Variants in PLEKHA8 observed in about 807,000 individuals in gnomAD.
The protein encoded by PLEKHA8 is pleckstrin homology domain-containing family A member 8.
PLEKHA8 carries 36 observed loss-of-function variants against 68.2 expected under a neutral mutation model. The ratio of observed to expected loss-of-function variants is 0.53; its 90% CI spans 0.40 to 0.70. The LOEUF is 0.70. PLEKHA8 is among the 30% of genes least tolerant of loss of function. The pLI is 0.00. For synonymous variants in PLEKHA8, 211 were observed against 216.1 expected, an observed-to-expected ratio of 0.98 and a Z score of 0.20; for missense variants, 505 against 615.4, an observed-to-expected ratio of 0.82 and a Z score of 1.90.
intron 13 of PLEKHA8, chr7:30,115,957 T>C (rs1583486791): frequency 7.7e-6 from 1 of 130,274 alleles, no homozygotes; most frequent in African/African-American, 2.9e-5. Context: ...TACGCATACA[T>C]GCATGCATAC....
rs1162112994 is a variant in PLEKHA8 at position 30,056,310 on chromosome 7, C to CTATA, written c.1039+969_1039+970insATAT. Among the ~76,000 whole-genome samples, 466 of 72,164 alleles carry CTATA rather than the reference C, an allele frequency of 6.5e-3. 13 individuals are homozygous for CTATA. Among genetic ancestry groups the CTATA allele is most frequent in the East Asian group, 0.051 (91 of 1,796 alleles). The allele number at this position is 72,164 out of a possible 152,430, so 47.3% of individuals were successfully genotyped here. A position where few individuals can be genotyped will look rare whatever the true frequency, so the allele number is the denominator to read the frequency against. ...TCTCTCTCTCTCTCTCTCTCTCTCT[C>CTATA]TCTATATATATATATATATATAAAT... is the stretch of plus-strand genomic sequence containing the variant. On this transcript the variant is annotated intron_variant, in intron 9 of 13. Coordinates refer to ENST00000449726, the MANE Select transcript of PLEKHA8 (RefSeq NM_001197026.2).
chr7:30,073,987 TTA>T, intron 12 of PLEKHA8, 82 bp from the exon 13 acceptor site: 21 of 1,177,998 alleles, frequency 1.8e-5, no homozygotes, highest in East Asian at 5.2e-5. Flanking sequence ...CCCTGTCTCT[TTA>T]AAAAAAAAAA....
In PLEKHA8 at chr7:30,084,272, T is replaced by C. The variant is rs935067372; in HGVS notation, c.*5485T>C. The C allele has an allele frequency of 7.1e-6, 7 of 985,240 alleles. No individual in the cohort carries two copies. Among genetic ancestry groups the C allele is most frequent in the Non-Finnish European group, 8.4e-6 (7 of 829,858 alleles). The allele number at this position is 985,240 out of a possible 1,614,324, so 61.0% of individuals were successfully genotyped here. A position where few individuals can be genotyped will look rare whatever the true frequency, so the allele number is the denominator to read the frequency against. ...ATTCCATGCCTAGTATTCTTATGAA[T>C]GTTTGTGGTTTCATAGATTTATGCA... is the stretch of plus-strand genomic sequence containing the variant. On this transcript the variant is annotated 3_prime_UTR_variant, in exon 14 of 14. Transcript: ENST00000449726.
intron 13 of PLEKHA8, among the ~76,000 whole-genome samples, chr7:30,074,621 A>G: frequency 6.6e-6 from 1 of 152,192 alleles, no homozygotes; most frequent in East Asian, 1.9e-4. Flanking sequence ...AGTCAACCTA[A>G]TAGCTCCCTC....
Position 30,055,335 on chromosome 7 carries a change from A to G in PLEKHA8, c.1032A>G (p.Pro344=), listed in dbSNP as rs372051190. 1 of 1,613,874 alleles carries G rather than the reference A, an allele frequency of 6.2e-7. No homozygotes were observed. Among genetic ancestry groups the G allele is most frequent in the Non-Finnish European group, 8.5e-7 (1 of 1,179,742 alleles). The part of the protein sequence containing the change: ...AFLASCYAVV[P]VLDKLGPTVF... Reference sequence around the variant, plus strand: ...TGGCATCATGTTATGCTGTGGTTCCAGTATTAGGTAAGATTCCTGCAGTTG... The same window carrying G: ...TGGCATCATGTTATGCTGTGGTTCCGGTATTAGGTAAGATTCCTGCAGTTG... Residue 344 remains proline (P), a synonymous_variant, in exon 9 of 14, where the codon CCA becomes CCG. Transcript: ENST00000449726.
At chr7:30,105,051 G>T (rs1175045057) in intron 13 of PLEKHA8, among the ~76,000 whole-genome samples, 1 of 152,118 alleles carries the variant, frequency 6.6e-6, no homozygotes, top group Admixed American at 6.5e-5. Flanking sequence ...CTAGGGTGAT[G>T]AGAATGATCT....
chr7:30,093,390 G>C (rs367959357), downstream of PLEKHA8, among the ~76,000 whole-genome samples: 5 of 152,198 alleles, frequency 3.3e-5, no homozygotes, highest in East Asian at 1.9e-4. Context: ...CTTGCTCAAG[G>C]TGGGTGAGAA....
At chr7:30,058,471 C>CTT (rs79972069) in intron 9 of PLEKHA8, among the ~76,000 whole-genome samples, 60 of 125,256 alleles carry the variant, frequency 4.8e-4, no homozygotes, top group African/African-American at 1.3e-3. Flanking sequence ...AGTTGAGGTT[C>CTT]TTTTTTTTTT....
In PLEKHA8 at chr7:30,078,802, C is replaced by T. The variant is rs746045719; in HGVS notation, c.*15C>T. The T allele has an allele frequency of 1.9e-6, 3 of 1,610,060 alleles. No individual in the cohort carries two copies. The highest frequency in any genetic ancestry group is 2.2e-5 in the South Asian group (2 of 90,660). ...AGGTGGTATGATGGCTGCTGGGCAG[C>T]ACCTCCTAACTTCAGGGAATAAGTG... On this transcript the variant is annotated 3_prime_UTR_variant, in exon 14 of 14. Coordinates refer to ENST00000449726, the MANE Select transcript of PLEKHA8 (RefSeq NM_001197026.2).
rs920868553 is a variant in PLEKHA8 at position 30,118,013 on chromosome 7, A to G, written c.1363-11253A>G. 7 of 1,529,222 alleles carry G rather than the reference A, an allele frequency of 4.6e-6. No homozygotes were observed. The African/African-American group carries it at 8.3e-5, about 18-fold the overall frequency. 94.7% of individuals were successfully genotyped at this position (1,529,222 alleles called of 1,614,324 possible). On this transcript the variant is annotated intron_variant, in intron 13 of 13. Coordinates refer to the PLEKHA8 transcript ENST00000396257. ...TGGTGGCCCAGGAGGGCTGTCACTC[A>G]GAATCAGGCGGGTGCAGAGTGGCCT... is the stretch of plus-strand genomic sequence containing the variant.
In PLEKHA8 at chr7:30,105,076, G is replaced by T. The variant is rs150265894; in HGVS notation, c.1363-24190G>T. 3.5e-3 allele frequency among the ~76,000 whole-genome samples: 525 copies of T among 152,118 alleles called. 6 individuals carry two copies. The highest frequency in any genetic ancestry group is 0.012 in the African/African-American group (504 of 41,496). ...GAGAATGATCTATATCTTGCTAGTGGTATGGGTTATATGCGTGGGCATTTG... is the reference window on the plus strand; with the variant it reads ...GAGAATGATCTATATCTTGCTAGTGTTATGGGTTATATGCGTGGGCATTTG... On this transcript the variant is annotated intron_variant, in intron 13 of 13. Coordinates refer to the PLEKHA8 transcript ENST00000396257.
At chr7:30,072,599 G>A (rs1794315199) in intron 12 of PLEKHA8, among the ~76,000 whole-genome samples, 1 of 152,228 alleles carries the variant, frequency 6.6e-6, no homozygotes, top group African/African-American at 2.4e-5. Flanking sequence ...GAACCACGTT[G>A]CTTTTCACTG....
At chr7:30,046,085 TG>T in intron 2 of PLEKHA8, 124 bp from the exon 3 acceptor site, 1 of 851,014 alleles carries the variant, frequency 1.2e-6, no homozygotes, top group Non-Finnish European at 1.7e-6. Context: ...AGGTAATGAC[TG>T]GCATCCTCTT....
At position 30,080,605 on chromosome 7, in the gene PLEKHA8, A is replaced by G; in HGVS notation, c.*1818A>G. On this transcript the variant is annotated 3_prime_UTR_variant, in exon 14 of 14. Transcript: ENST00000449726. ...TTAATTAGGTATTTTGCCCACATAA[A>G]GACTTCTGGAAAATACTTAAACTTG... is the stretch of plus-strand genomic sequence containing the variant. 1.0e-6 allele frequency: 1 copy of G among 985,292 alleles called. No homozygotes were observed. Among genetic ancestry groups the G allele is most frequent in the East Asian group, 1.1e-4 (1 of 8,830 alleles). The allele number at this position is 985,292 out of a possible 1,614,324, so 61.0% of individuals were successfully genotyped here.
chr7:30,088,137 A>G (rs1795252829), downstream of PLEKHA8, among the ~76,000 whole-genome samples: 1 of 152,230 alleles, frequency 6.6e-6, no homozygotes, highest in Non-Finnish European at 1.5e-5. Context: ...GCAAAACCAT[A>G]CACTTCTATT....
chr7:30,028,769 G>C lies in PLEKHA8; in HGVS notation c.7G>C (p.Gly3Arg). Reference protein sequence around the residue: MEGVLYKWTNYLS... With the variant: MERVLYKWTNYLS... ...CCGAGTGGCCGCGGGCGCCATGGAGGGGGTGCTGTACAAGTGGACCAACTA... is the reference window on the plus strand; with the variant it reads ...CCGAGTGGCCGCGGGCGCCATGGAGCGGGTGCTGTACAAGTGGACCAACTA... The change falls in exon 1 of 14, where the codon GGG becomes CGG. Residue 3 changes from glycine (G) to arginine (R), a missense_variant. Coordinates refer to ENST00000449726, the MANE Select transcript of PLEKHA8 (RefSeq NM_001197026.2). 2.4e-6 allele frequency: 3 copies of C among 1,270,968 alleles called. No individual in the cohort carries two copies. The highest frequency in any genetic ancestry group is 2.0e-6 in the Non-Finnish European group (2 of 1,002,400). The allele number at this position is 1,270,968 out of a possible 1,614,324, so 78.7% of individuals were successfully genotyped here.
chr7:30,060,247 G>T (rs1028034915), intron 9 of PLEKHA8, among the ~76,000 whole-genome samples: 10 of 152,162 alleles, frequency 6.6e-5, no homozygotes, highest in South Asian at 2.1e-4. Context: ...TTCGAGACCA[G>T]CCTGGCCAAC....
At chr7:30,089,841 G>A (rs1465655919) in intron 12 of PLEKHA8, among the ~76,000 whole-genome samples, 1 of 151,300 alleles carries the variant, frequency 6.6e-6, no homozygotes, top group African/African-American at 2.4e-5. Context: ...GCAGATGACA[G>A]AGATAAGAAA....
chr7:30,115,975 T>TAC (rs1562558601), intron 13 of PLEKHA8: 31 of 137,476 alleles, frequency 2.3e-4, no homozygotes, highest in Middle Eastern at 3.8e-3. Flanking sequence ...TACATGTGCA[T>TAC]GCATGCATGT....
Sources: gnomAD v4.1 joint callset for allele counts (sites outside exome capture counted in the v4.1 genomes callset) on GRCh38, gnomAD v4.1.1 for gene constraint, MANE v1.5 for transcripts, NCBI Gene and HGNC (gene_info 2026-07-23, HGNC 2026-07-21) for gene names.